Variants in ZFHX3 observed in about 807,000 individuals in gnomAD.
ZFHX3 encodes zinc finger homeobox protein 3.
A neutral mutation model predicts 279.1 loss-of-function variants in ZFHX3; 42 were observed. The ratio of observed to expected loss-of-function variants is 0.15; its 90% CI spans 0.12 to 0.19. ZFHX3 has a LOEUF of 0.19. Among genes scored for constraint, ZFHX3 ranks in the 10% least tolerant of loss-of-function variants. ZFHX3 has a pLI of 1.00. For missense variants in ZFHX3, 4,981 were observed against 4,754.0 expected (o/e 1.05, Z -1.40); for synonymous variants, 2,293 against 1,957.8 (o/e 1.17, Z -4.52).
chr16:73,084,514 ATTTTTTTT>A (rs34134596), intron 8 of ZFHX3, among the ~76,000 whole-genome samples: 1 of 92,660 alleles, frequency 1.1e-5, no homozygotes, highest in Non-Finnish European at 2.1e-5. Flanking sequence ...CTAGGACTAA[ATTTTTTTT>A]TTTTTTTTTT....
intron 2 of ZFHX3, among the ~76,000 whole-genome samples, chr16:73,484,009 T>C (rs2143632686): frequency 6.8e-6 from 1 of 147,136 alleles, no homozygotes; most frequent in Admixed American, 6.9e-5. Flanking sequence ...CAGTCTGAAA[T>C]CCCCCACTAG....
intron 2 of ZFHX3, among the ~76,000 whole-genome samples, chr16:73,603,039 A>AGGAGGCC (rs2052137880): frequency 1.3e-5 from 2 of 151,890 alleles, no homozygotes; most frequent in Non-Finnish European, 2.9e-5. Context: ...TAATCCCAGC[A>AGGAGGCC]CTTTGGGAGG....
rs182202715 is a variant in ZFHX3, at chr16:73,236,340, G to A, written c.-1104+20707C>T. Among the ~76,000 whole-genome samples the A allele has an allele frequency of 5.0e-3, 767 of 152,328 alleles. 5 individuals are homozygous for A. Among genetic ancestry groups the A allele is most frequent in the African/African-American group, 0.017 (717 of 41,582 alleles). The stretch of plus-strand genomic sequence containing the variant: ...TGGCTGGGCGCAGTGGCTCACGCCT[G>A]TAATCCCAGCCCTTTGCAAGGCCGA... On this transcript the variant is annotated intron_variant, in intron 5 of 17. Transcript: ENST00000641206.
chr16:72,965,734 C>CAA (rs1198325865), intron 1 of ZFHX3, among the ~76,000 whole-genome samples: 1 of 151,640 alleles, frequency 6.6e-6, no homozygotes, highest in Non-Finnish European at 1.5e-5. Flanking sequence ...GTCACAATGT[C>CAA]AGAGTGACTT....
chr16:73,411,551 A>C (rs1481219135), intron 3 of ZFHX3, among the ~76,000 whole-genome samples: 1 of 152,190 alleles, frequency 6.6e-6, no homozygotes, highest in Non-Finnish European at 1.5e-5. Context: ...ATATACAGCA[A>C]AGATGTCATG....
At chr16:72,883,870 C>T (rs933940939) in intron 4 of ZFHX3, among the ~76,000 whole-genome samples, 3 of 152,086 alleles carry the variant, frequency 2.0e-5, no homozygotes, top group Non-Finnish European at 4.4e-5. Flanking sequence ...TCCCCAAACC[C>T]GGTAAACAAG....
At chr16:73,404,096 C>T (rs1251441697) in intron 3 of ZFHX3, among the ~76,000 whole-genome samples, 1 of 152,168 alleles carries the variant, frequency 6.6e-6, no homozygotes, top group Non-Finnish European at 1.5e-5. Context: ...TCTGAGGATT[C>T]AGTCTCCTAA....
chr16:73,789,595 A>C (rs1179670759), intron 1 of ZFHX3, among the ~76,000 whole-genome samples: 2 of 152,162 alleles, frequency 1.3e-5, no homozygotes, highest in African/African-American at 2.4e-5. Flanking sequence ...TATTATTATT[A>C]TTTTTACCGC....
chr16:73,143,422 T>C (rs143463458), intron 6 of ZFHX3, among the ~76,000 whole-genome samples: 109 of 152,312 alleles, frequency 7.2e-4, no homozygotes, highest in African/African-American at 2.4e-3. Flanking sequence ...GCTTTTTTCT[T>C]CTTCCTTCAC....
chr16:73,724,181 A>C (rs760496793), intron 1 of ZFHX3, among the ~76,000 whole-genome samples: 2 of 152,202 alleles, frequency 1.3e-5, no homozygotes, highest in Non-Finnish European at 2.9e-5. Context: ...AATAAATAGT[A>C]ATTCTGTCTG....
At chr16:73,843,298 G>T (rs181952739) in intron 1 of ZFHX3, among the ~76,000 whole-genome samples, 36 of 152,316 alleles carry the variant, frequency 2.4e-4, no homozygotes, top group African/African-American at 8.4e-4. Context: ...CCTTCCGTGT[G>T]CACAGCTGAA....
intron 2 of ZFHX3, among the ~76,000 whole-genome samples, chr16:73,641,100 C>A (rs1567540190): frequency 6.6e-6 from 1 of 152,104 alleles, no homozygotes; most frequent in Non-Finnish European, 1.5e-5. Context: ...ACAGTATCGA[C>A]CTAGTTTGGG....
At chr16:73,079,928 T>C (rs1965926186) in intron 8 of ZFHX3, among the ~76,000 whole-genome samples, 1 of 152,122 alleles carries the variant, frequency 6.6e-6, no homozygotes, top group African/African-American at 2.4e-5. Context: ...TAGTGTCACC[T>C]TGTGAGGTCA....
chr16:73,318,600 C>G (rs1187528349), intron 3 of ZFHX3, among the ~76,000 whole-genome samples: 1 of 151,968 alleles, frequency 6.6e-6, no homozygotes, highest in Non-Finnish European at 1.5e-5. Context: ...AGATCTCCTT[C>G]TAGTCCATCC....
intron 3 of ZFHX3, among the ~76,000 whole-genome samples, chr16:73,447,872 TTGC>T: frequency 6.6e-6 from 1 of 152,260 alleles, no homozygotes; most frequent in Middle Eastern, 3.4e-3. Context: ...GACTAAAGCT[TTGC>T]TGAAAACAAC....
intron 2 of ZFHX3, among the ~76,000 whole-genome samples, chr16:73,516,673 A>T (rs1567507230): frequency 6.6e-6 from 1 of 152,070 alleles, no homozygotes; most frequent in Non-Finnish European, 1.5e-5. Flanking sequence ...TCCTCTAATC[A>T]ATTTCTTCTT....
At chr16:73,075,788 T>C (rs1421183136) in intron 8 of ZFHX3, among the ~76,000 whole-genome samples, 6 of 152,014 alleles carry the variant, frequency 3.9e-5, no homozygotes, top group Non-Finnish European at 5.9e-5. Flanking sequence ...TGCATGCCAC[T>C]ATGCCTGGCT....
chr16:73,773,086 G>A (rs2054037768), intron 1 of ZFHX3, among the ~76,000 whole-genome samples: 1 of 152,190 alleles, frequency 6.6e-6, no homozygotes. Context: ...CAAAGTTAAT[G>A]AAATTAATCA....
chr16:73,404,057 C>A (rs189243990), intron 3 of ZFHX3, among the ~76,000 whole-genome samples: 9 of 152,214 alleles, frequency 5.9e-5, no homozygotes, highest in Admixed American at 5.9e-4. Flanking sequence ...AGGAAAAAAA[C>A]CAAAAATGCT....
Sources: gnomAD v4.1 joint callset for allele counts (sites outside exome capture counted in the v4.1 genomes callset) on GRCh38, gnomAD v4.1.1 for gene constraint, MANE v1.5 for transcripts, NCBI Gene and HGNC (gene_info 2026-07-23, HGNC 2026-07-21) for gene names.